Variants in SORCS1 observed in about 807,000 individuals in gnomAD.
SORCS1 encodes the protein VPS10 domain-containing receptor SorCS1.
Under a neutral mutation model 146.1 loss-of-function variants are expected in SORCS1, and 60 were observed. The observed-to-expected ratio is 0.41, with a 90% CI of 0.33 to 0.51. SORCS1 has a LOEUF of 0.51. Ranked by LOEUF, SORCS1 falls within the 20% of genes least tolerant of loss-of-function variation. The probability of loss-of-function intolerance (pLI) is 0.21; values close to 1 mark genes in which losing one functional copy is unlikely to be tolerated. For synonymous variants in SORCS1, 637 were observed against 584.0 expected, an observed-to-expected ratio of 1.09 and a Z score of -1.31; for missense variants, 1,352 against 1,487.6, an observed-to-expected ratio of 0.91 and a Z score of 1.50.
At chr10:107,061,258 T>C (rs1961196276) in intron 1 of SORCS1, among the ~76,000 whole-genome samples, 1 of 152,104 alleles carries the variant, frequency 6.6e-6, no homozygotes, top group African/African-American at 2.4e-5. Flanking sequence ...ACATCCATAA[T>C]GAATACTTAC....
chr10:107,069,677 A>G (rs903981166), intron 1 of SORCS1, among the ~76,000 whole-genome samples: 1 of 152,166 alleles, frequency 6.6e-6, no homozygotes, highest in Non-Finnish European at 1.5e-5. Flanking sequence ...CGCCTGGCCC[A>G]TGTGCCTATT....
At chr10:107,109,678 T>C (rs569863146) in intron 1 of SORCS1, among the ~76,000 whole-genome samples, 4 of 152,356 alleles carry the variant, frequency 2.6e-5, no homozygotes, top group East Asian at 3.9e-4. Context: ...CTTTTAGTTA[T>C]GCAAATTTCT....
intron 1 of SORCS1, among the ~76,000 whole-genome samples, chr10:107,048,627 T>C (rs987807329): frequency 3.9e-5 from 6 of 152,208 alleles, no homozygotes; most frequent in African/African-American, 1.4e-4. Flanking sequence ...TACGTGAAGA[T>C]GGAAAACGTC....
chr10:106,610,072 G>C (rs527330232), intron 22 of SORCS1, among the ~76,000 whole-genome samples: 44 of 152,304 alleles, frequency 2.9e-4, no homozygotes, highest in African/African-American at 1.1e-3. Context: ...TTGTAGTCTG[G>C]TAGTCGTGCC....
At chr10:106,889,481 C>T (rs545418441) in intron 2 of SORCS1, among the ~76,000 whole-genome samples, 5 of 152,182 alleles carry the variant, frequency 3.3e-5, no homozygotes, top group Non-Finnish European at 5.9e-5. Context: ...AAGCACTTCC[C>T]GGCCAGGCAC....
At chr10:106,806,505 CTTTTTTTTTT>C (rs1191296212) in intron 3 of SORCS1, among the ~76,000 whole-genome samples, 1 of 70,454 alleles carries the variant, frequency 1.4e-5, no homozygotes, top group Non-Finnish European at 2.7e-5. Context: ...GAGAGGAAGC[CTTTTTTTTTT>C]TTTTTTTTTT....
intron 2 of SORCS1, among the ~76,000 whole-genome samples, chr10:106,954,739 A>G (rs909564192): frequency 6.6e-6 from 1 of 152,006 alleles, no homozygotes; most frequent in Non-Finnish European, 1.5e-5. Context: ...CCGAGACCCA[A>G]TATGTTTTTC....
intron 2 of SORCS1, among the ~76,000 whole-genome samples, chr10:106,832,606 T>C (rs762017913): frequency 2.0e-5 from 3 of 152,118 alleles, no homozygotes; most frequent in Non-Finnish European, 4.4e-5. Flanking sequence ...CTCCTTTTAT[T>C]GTACAGTTTT....
the SORCS1 span, among the ~76,000 whole-genome samples, chr10:107,177,593 A>G: frequency 6.6e-6 from 1 of 152,318 alleles, no homozygotes; most frequent in African/African-American, 2.4e-5. Context: ...TAAAATAATT[A>G]ATTTTTTTAC....
At chr10:106,782,017 T>C (rs1754732002) in intron 3 of SORCS1, among the ~76,000 whole-genome samples, 1 of 152,198 alleles carries the variant, frequency 6.6e-6, no homozygotes, top group Non-Finnish European at 1.5e-5. Context: ...CTAAATCCCA[T>C]CCTTCCAAAC....
intron 19 of SORCS1, among the ~76,000 whole-genome samples, chr10:106,627,312 A>T (rs976394605): frequency 6.6e-6 from 1 of 152,186 alleles, no homozygotes; most frequent in Admixed American, 6.5e-5. Context: ...TTTACATGTG[A>T]TTGGACTACG....
At position 107,095,622 on chromosome 10, in the gene SORCS1, G is replaced by T. The variant is rs542111026; in HGVS notation, c.558+68347C>A. ...GGTGCTGGCGAGCAAGCAGTATTCA[G>T]TTATGCAGAAATAAAGTTATATTTC... On this transcript the variant is annotated intron_variant, in intron 1 of 25. Transcript: ENST00000263054. Among the ~76,000 whole-genome samples the T allele has an allele frequency of 2.0e-5, 3 of 152,262 alleles. No individual in the cohort carries two copies. The South Asian group carries it at 6.2e-4, about 32-fold the overall frequency.
chr10:107,112,347 T>A (rs1332613677), intron 1 of SORCS1, among the ~76,000 whole-genome samples: 1 of 152,202 alleles, frequency 6.6e-6, no homozygotes, highest in Middle Eastern at 3.4e-3. Flanking sequence ...GTTTTACGTA[T>A]GTTCCATGGT....
At chr10:106,811,491 C>T (rs1040755677) in intron 3 of SORCS1, among the ~76,000 whole-genome samples, 2 of 152,148 alleles carry the variant, frequency 1.3e-5, no homozygotes, top group African/African-American at 4.8e-5. Flanking sequence ...ATTCTCAGAA[C>T]TAACGACCTA....
intron 1 of SORCS1, among the ~76,000 whole-genome samples, chr10:107,089,375 G>A (rs1001033594): frequency 9.9e-5 from 15 of 152,118 alleles, no homozygotes; most frequent in African/African-American, 3.4e-4. Context: ...ACACATATGA[G>A]TAGTGTACAT....
At chr10:106,859,480 G>A (rs540715545) in intron 2 of SORCS1, among the ~76,000 whole-genome samples, 1 of 152,042 alleles carries the variant, frequency 6.6e-6, no homozygotes, top group African/African-American at 2.4e-5. Context: ...TGCAAGCTCC[G>A]CCTCCCGGGC....
chr10:106,968,001 G>T (rs980561757), intron 1 of SORCS1, among the ~76,000 whole-genome samples: 1 of 150,628 alleles, frequency 6.6e-6, no homozygotes, highest in South Asian at 2.1e-4. Context: ...TCAGGAAATC[G>T]AGACCATCCT....
intron 3 of SORCS1, among the ~76,000 whole-genome samples, chr10:106,812,559 A>G (rs904768975): frequency 6.6e-6 from 1 of 152,184 alleles, no homozygotes; most frequent in Admixed American, 6.5e-5. Flanking sequence ...ATTTGTCTTT[A>G]TATCTTTCCC....
At chr10:107,098,819 T>C (rs947410173) in intron 1 of SORCS1, among the ~76,000 whole-genome samples, 1 of 152,208 alleles carries the variant, frequency 6.6e-6, no homozygotes, top group Non-Finnish European at 1.5e-5. Context: ...GGAAAACACA[T>C]ATTAATATTC....
Sources: gnomAD v4.1 joint callset for allele counts (sites outside exome capture counted in the v4.1 genomes callset) on GRCh38, gnomAD v4.1.1 for gene constraint, MANE v1.5 for transcripts, NCBI Gene and HGNC (gene_info 2026-07-23, HGNC 2026-07-21) for gene names.